The following FAM135B variants were observed in gnomAD, a reference collection of about 807,000 sequenced individuals.
FAM135B encodes protein FAM135B.
In FAM135B, 43 loss-of-function variants were observed where a neutral mutation model predicts 127.7. The observed-to-expected ratio is 0.34, with a 90% CI of 0.26 to 0.43. The LOEUF (loss-of-function observed/expected upper bound fraction) is 0.43, where lower values mean the gene tolerates loss of function less well. Among genes scored for constraint, FAM135B ranks in the 20% least tolerant of loss-of-function variants. The probability of loss-of-function intolerance (pLI) is 1.00; values close to 1 mark genes in which losing one functional copy is unlikely to be tolerated. For synonymous variants in FAM135B, 670 were observed against 665.1 expected (o/e 1.01, Z -0.11); for missense variants, 1,558 against 1,725.6 (o/e 0.90, Z 1.72).
chr8:138,266,436 C>T (rs562151722), intron 3 of FAM135B, among the ~76,000 whole-genome samples: 1 of 152,006 alleles, frequency 6.6e-6, no homozygotes, highest in African/African-American at 2.4e-5. Context: ...TATCCCTAAA[C>T]GGTACTTCAA....
intron 7 of FAM135B, among the ~76,000 whole-genome samples, chr8:138,238,786 T>C (rs1024629169): frequency 3.9e-5 from 6 of 152,202 alleles, no homozygotes; most frequent in Non-Finnish European, 5.9e-5. Flanking sequence ...ATTTTATTCT[T>C]TGCTTGGCAG....
chr8:138,258,668 C>G (rs933580461), intron 4 of FAM135B, among the ~76,000 whole-genome samples: 2 of 152,172 alleles, frequency 1.3e-5, no homozygotes, highest in Non-Finnish European at 2.9e-5. Context: ...CTAAATTGAG[C>G]TGGGCTATGA....
chr8:138,263,667 G>A (rs976034970), intron 4 of FAM135B, among the ~76,000 whole-genome samples: 5 of 152,158 alleles, frequency 3.3e-5, no homozygotes, highest in Non-Finnish European at 7.4e-5. Flanking sequence ...ATTGAAGCAG[G>A]CAACTGTGGT....
chr8:138,134,075 A>T (rs906104471), intron 19 of FAM135B, among the ~76,000 whole-genome samples: 1 of 152,176 alleles, frequency 6.6e-6, no homozygotes, highest in African/African-American at 2.4e-5. Context: ...CAATAATATG[A>T]TGTGAGGTTA....
intron 12 of FAM135B, among the ~76,000 whole-genome samples, chr8:138,163,592 T>C (rs1247265732): frequency 6.6e-6 from 1 of 152,114 alleles, no homozygotes; most frequent in African/African-American, 2.4e-5. Flanking sequence ...GAAAACCCTT[T>C]CACTTGGCTC....
At chr8:138,176,927 TC>T (rs1479532046) in intron 11 of FAM135B, among the ~76,000 whole-genome samples, 2 of 152,170 alleles carry the variant, frequency 1.3e-5, no homozygotes, top group African/African-American at 4.8e-5. Flanking sequence ...TCATCAGCCC[TC>T]CTAATTACGT....
intron 12 of FAM135B, among the ~76,000 whole-genome samples, chr8:138,157,762 G>C (rs574583333): frequency 5.3e-5 from 8 of 152,230 alleles, no homozygotes; most frequent in African/African-American, 1.7e-4. Context: ...ATCTCTTCAA[G>C]GAGAAACTAC....
chr8:138,157,786 A>G (rs965675811), intron 12 of FAM135B, among the ~76,000 whole-genome samples: 17 of 152,228 alleles, frequency 1.1e-4, no homozygotes, highest in Non-Finnish European at 2.2e-4. Flanking sequence ...CCACTGCTCA[A>G]TGAAATAAAA....
At chr8:138,230,050 A>T (rs1466454096) in intron 7 of FAM135B, among the ~76,000 whole-genome samples, 1 of 152,168 alleles carries the variant, frequency 6.6e-6, no homozygotes, top group Non-Finnish European at 1.5e-5. Flanking sequence ...TAGCACATAA[A>T]ATATTTTTCA....
intron 2 of FAM135B, among the ~76,000 whole-genome samples, chr8:138,311,923 C>T (rs921100062): frequency 9.9e-5 from 15 of 152,142 alleles, no homozygotes; most frequent in African/African-American, 3.6e-4. Flanking sequence ...CATAACTTCT[C>T]TGAACTTGTT....
chr8:138,433,583 A>C (rs1157666868), intron 1 of FAM135B, among the ~76,000 whole-genome samples: 1 of 151,486 alleles, frequency 6.6e-6, no homozygotes, highest in Non-Finnish European at 1.5e-5. Context: ...ATTTTAAAAG[A>C]GTATTAAATA....
At chr8:138,209,974 A>T (rs1376739996) in intron 7 of FAM135B, among the ~76,000 whole-genome samples, 1 of 152,236 alleles carries the variant, frequency 6.6e-6, no homozygotes, top group Non-Finnish European at 1.5e-5. Flanking sequence ...AGACAATGAG[A>T]AAAGAGATAA....
chr8:138,279,030 G>T (rs1443725757), intron 3 of FAM135B, among the ~76,000 whole-genome samples: 1 of 152,124 alleles, frequency 6.6e-6, no homozygotes, highest in African/African-American at 2.4e-5. Context: ...GTTAATTATT[G>T]ATAATTCTCA....
intron 17 of FAM135B, among the ~76,000 whole-genome samples, chr8:138,139,439 T>C (rs1173838584): frequency 6.6e-6 from 1 of 152,188 alleles, no homozygotes; most frequent in Non-Finnish European, 1.5e-5. Context: ...TACAGATACA[T>C]TTAGGATACA....
chr8:138,497,652 T>C (rs1292341679), upstream of FAM135B, among the ~76,000 whole-genome samples: 1 of 152,156 alleles, frequency 6.6e-6, no homozygotes, highest in Non-Finnish European at 1.5e-5. Flanking sequence ...AGCAGTGGCC[T>C]TCAACCAGCC....
At chr8:138,467,132 T>G (rs920507240) in intron 1 of FAM135B, among the ~76,000 whole-genome samples, 2 of 152,216 alleles carry the variant, frequency 1.3e-5, no homozygotes, top group African/African-American at 4.8e-5. Flanking sequence ...GATTGGAAGA[T>G]CCCATCTGGC....
intron 11 of FAM135B, among the ~76,000 whole-genome samples, chr8:138,171,422 C>T (rs1319827668): frequency 6.6e-6 from 1 of 152,150 alleles, no homozygotes; most frequent in African/African-American, 2.4e-5. Context: ...TGTGTTTTTA[C>T]AATGCCTATC....
chr8:138,285,983 A>G (rs1824652739), intron 3 of FAM135B, among the ~76,000 whole-genome samples: 1 of 152,244 alleles, frequency 6.6e-6, no homozygotes, highest in East Asian at 1.9e-4. Flanking sequence ...GAGTTATGGC[A>G]GTGAAGAGAA....
chr8:138,167,453 C>T (rs2130895165), intron 12 of FAM135B, among the ~76,000 whole-genome samples: 1 of 152,324 alleles, frequency 6.6e-6, no homozygotes, highest in Admixed American at 6.5e-5. Context: ...ACCTCGGCCT[C>T]CCAAAGTGCT....
Sources: gnomAD v4.1 joint callset for allele counts (sites outside exome capture counted in the v4.1 genomes callset) on GRCh38, gnomAD v4.1.1 for gene constraint, MANE v1.5 for transcripts, NCBI Gene and HGNC (gene_info 2026-07-23, HGNC 2026-07-21) for gene names.